Variants in KRT84 observed in about 807,000 individuals in gnomAD.
KRT84 encodes keratin, type II cuticular Hb4.
Under a neutral mutation model 49.0 loss-of-function variants are expected in KRT84, and 38 were observed. The observed-to-expected ratio is 0.78, with a 90% CI of 0.60 to 1.02. The LOEUF is 1.02. Among genes scored for constraint, KRT84 ranks in the 50% least tolerant of loss-of-function variants. The pLI is 0.00. For synonymous variants in KRT84, 334 were observed against 312.8 expected, an observed-to-expected ratio of 1.07 and a Z score of -0.72; for missense variants, 860 against 788.6, an observed-to-expected ratio of 1.09 and a Z score of -1.08.
Position 52,379,792 on chromosome 12 carries a change from C to T in KRT84, c.1456+84G>A, listed in dbSNP as rs572897999. On this transcript the variant is annotated intron_variant, in intron 8 of 8. Transcript: ENST00000257951. ...GTGGCCAGACCGGCCATGTCGGACG[C>T]CTCCTGACCCCAGTGTGAGCCTGAG... The T allele has an allele frequency of 1.0e-5, 12 of 1,157,882 alleles. No individual in the cohort carries two copies. In the Admixed American group the frequency reaches 1.7e-4, roughly 17 times the overall value. The allele number at this position is 1,157,882 out of a possible 1,614,324, so 71.7% of individuals were successfully genotyped here.
At chr12:52,383,822 G>A (rs1613859) in intron 1 of KRT84, 24 bp from the exon 2 acceptor site, 345,712 of 1,568,668 alleles carry the variant, frequency 0.22, 44,503 homozygotes, top group African/African-American at 0.56. Flanking sequence ...GCACAGAAAT[G>A]GCATTTGAAG....
In KRT84 at chr12:52,385,510, G is replaced by A. The variant is rs756953583; in HGVS notation, c.76C>T (p.Gln26Ter). Reference sequence around the variant, plus strand: ...TTGGCCCGGAAGCGATTCAGGTTCTGTGGTGTCATTGCTGAACAAGAGCTG... The same window carrying A: ...TTGGCCCGGAAGCGATTCAGGTTCTATGGTGTCATTGCTGAACAAGAGCTG... Reference protein sequence around the residue: ...NFSSCSAMTPQNLNRFRANSV... With the variant: ...NFSSCSAMTP Residue 26 changes from glutamine to a stop codon, truncating the protein, a stop_gained, in exon 1 of 9, where the codon CAG (glutamine) becomes TAG (stop). Coordinates refer to ENST00000257951, the MANE Select transcript of KRT84 (RefSeq NM_033045.4). LOFTEE classifies it high-confidence loss of function. 2 of 1,614,230 alleles carry A rather than the reference G, an allele frequency of 1.2e-6. No individual in the cohort carries two copies. Among genetic ancestry groups the A allele is most frequent in the Non-Finnish European group, 1.7e-6 (2 of 1,180,044 alleles).
In KRT84 at chr12:52,378,366, G is replaced by A. The variant is rs1483272178; in HGVS notation, c.1471C>T (p.Arg491Trp). 27 of 1,467,940 alleles carry A rather than the reference G, an allele frequency of 1.8e-5. No homozygotes were observed. Among genetic ancestry groups the A allele is most frequent in the Admixed American group, 4.9e-5 (2 of 41,200 alleles). 90.9% of individuals were successfully genotyped at this position (1,467,940 alleles called of 1,614,324 possible). A position where few individuals can be genotyped will look rare whatever the true frequency, so the allele number is the denominator to read the frequency against. Residue 491 changes from arginine (R) to tryptophan (W), a missense_variant, in exon 9 of 9, where the codon CGG becomes TGG. Coordinates refer to ENST00000257951, the MANE Select transcript of KRT84 (RefSeq NM_033045.4). ...GPVNISVSSS[R>W]GGLVCGPEPL... ...TCAGGCCCGCACACCAGGCCGCCCC[G>A]GGAGCTGCTGACGGCTGCGGAGAAA...
chr12:52,379,587 A>G (rs1051000642), intron 8 of KRT84, among the ~76,000 whole-genome samples: 2 of 152,198 alleles, frequency 1.3e-5, no homozygotes, highest in African/African-American at 4.8e-5. Flanking sequence ...AGTCCTTCTA[A>G]GTTCCCTTGA....
rs775878183 is a variant in KRT84, at chr12:52,378,361, G to A, written c.1476C>T (p.Gly492=). 146 of 1,469,772 alleles carry A rather than the reference G, an allele frequency of 9.9e-5. No individual in the cohort carries two copies. Among genetic ancestry groups the A allele is most frequent in the Non-Finnish European group, 1.2e-4 (135 of 1,114,156 alleles). The allele number at this position is 1,469,772 out of a possible 1,614,324, so 91.0% of individuals were successfully genotyped here. ...AAGGCTCAGGCCCGCACACCAGGCC[G>A]CCCCGGGAGCTGCTGACGGCTGCGG... ...PVNISVSSSR[G]GLVCGPEPLV... is the part of the protein sequence containing the mutation. Residue 492 remains glycine (G), a synonymous_variant, in exon 9 of 9, where the codon GGC becomes GGT. Transcript: ENST00000257951.
In KRT84 at chr12:52,382,986, G is replaced by C. The variant is rs2121440102; in HGVS notation, c.816+19C>G. On this transcript the variant is annotated intron_variant, in intron 3 of 8. Transcript: ENST00000257951. ...CCGGTCCAGAGGAGAAGTTGGCCTG[G>C]TCTGTGGTTCCCCCTTACCTTCTTC... 2 of 1,611,754 alleles carry C rather than the reference G, an allele frequency of 1.2e-6. No homozygotes were observed. The highest frequency in any genetic ancestry group is 1.7e-6 in the Non-Finnish European group (2 of 1,178,132).
intron 8 of KRT84, 114 bp downstream of exon 8, chr12:52,379,762 C>T (rs1328820838): frequency 6.1e-6 from 5 of 820,838 alleles, no homozygotes; most frequent in Non-Finnish European, 1.0e-5. Flanking sequence ...GCTCCCCTGA[C>T]TGTCGTGGCC....
chr12:52,381,882 G>C (rs901120528), intron 4 of KRT84, among the ~76,000 whole-genome samples: 20 of 152,158 alleles, frequency 1.3e-4, no homozygotes, highest in Non-Finnish European at 1.5e-5. Context: ...AGACCGTTGA[G>C]ACCTGACAAT....
At position 52,381,459 on chromosome 12, in the gene KRT84, CA is replaced by C. The variant is rs748245138; in HGVS notation, c.978del (p.Asp327ThrfsTer2). On this transcript the variant is annotated frameshift_variant, in exon 5 of 9. Coordinates refer to ENST00000257951, the MANE Select transcript of KRT84 (RefSeq NM_033045.4). LOFTEE classifies it high-confidence loss of function. ...TSVIVKMDNS[R>X]DLNLDGIIAE... is the part of the protein sequence containing the mutation. ...GCAATGATCCCATCAAGGTTCAGGTCACGGCTGTTGTCCATCTTCACAATGA... is the reference window on the plus strand; with the variant it reads ...GCAATGATCCCATCAAGGTTCAGGTCCGGCTGTTGTCCATCTTCACAATGA... 3.1e-6 allele frequency: 5 copies of C among 1,614,168 alleles called. No individual in the cohort carries two copies. The highest frequency in any genetic ancestry group is 3.4e-6 in the Non-Finnish European group (4 of 1,180,038).
At chr12:52,383,348 TG>T (rs1469678054) in intron 2 of KRT84, among the ~76,000 whole-genome samples, 7 of 152,220 alleles carry the variant, frequency 4.6e-5, no homozygotes, top group African/African-American at 1.7e-4. Flanking sequence ...GTAGGATCAT[TG>T]CATTTGACTA....
In KRT84 at chr12:52,381,248, C is replaced by T. The variant is rs200189290; in HGVS notation, c.1078-43G>A. 12 of 1,611,994 alleles carry T rather than the reference C, an allele frequency of 7.4e-6. No homozygotes were observed. The East Asian group carries it at 2.2e-4, about 30-fold the overall frequency. On this transcript the variant is annotated intron_variant, in intron 5 of 8. Transcript: ENST00000257951. ...TATTTTGAGGGTTCGGAGGTCAGGT[C>T]AGGATCACAGCCCCCACTGAGTTGG...
At position 52,382,534 on chromosome 12, in the gene KRT84, T is replaced by C; in HGVS notation, c.817-2A>G. The C allele has an allele frequency of 6.2e-7, 1 of 1,610,312 alleles. No individual in the cohort carries two copies. The highest frequency in any genetic ancestry group is 8.5e-7 in the Non-Finnish European group (1 of 1,176,512). ...GTTCATGAAAGCTGCATCCACATCCTGTATAAAACAGAGAAGGATAAATAC... is the reference window on the plus strand; with the variant it reads ...GTTCATGAAAGCTGCATCCACATCCCGTATAAAACAGAGAAGGATAAATAC... On this transcript the variant is annotated splice_acceptor_variant, in intron 3 of 8. Coordinates refer to ENST00000257951, the MANE Select transcript of KRT84 (RefSeq NM_033045.4). LOFTEE classifies it high-confidence loss of function.
chr12:52,378,236 A>C lies in KRT84; in HGVS notation c.1601T>G (p.Leu534Arg). 2 of 1,565,794 alleles carry C rather than the reference A, an allele frequency of 1.3e-6. No individual in the cohort carries two copies. The highest frequency in any genetic ancestry group is 1.7e-6 in the Non-Finnish European group (2 of 1,156,606). ...SGVLASCGPS[L>R]GGARVAPATG... ...GGCCGGGGCGACCCGGGCTCCACCC[A>C]GGCTGGGGCCACAGGAAGCCAGGAC... Residue 534 changes from leucine to arginine, a missense_variant, in exon 9 of 9, where the codon CTG (leucine) becomes CGG (arginine). Coordinates refer to ENST00000257951, the MANE Select transcript of KRT84 (RefSeq NM_033045.4).
intron 1 of KRT84, 89 bp from the exon 2 acceptor site, chr12:52,383,887 G>A: frequency 9.4e-7 from 1 of 1,060,070 alleles, no homozygotes; most frequent in South Asian, 1.5e-5. Context: ...GCGATGACTT[G>A]ACCACATGTC....
intron 8 of KRT84, among the ~76,000 whole-genome samples, chr12:52,378,993 C>T (rs1355303441): frequency 6.6e-6 from 1 of 152,218 alleles, no homozygotes; most frequent in Admixed American, 6.5e-5. Context: ...GCCCTTTCAT[C>T]TTACCCAGAA....
chr12:52,378,360 C>CCAACTGAAAAAGATACTGAACATGG lies in KRT84; in HGVS notation c.1476_1477insCCATGTTCAGTATCTTTTTCAGTTG (p.Gly493ProfsTer15). 1 of 1,473,944 alleles carries CCAACTGAAAAAGATACTGAACATGG rather than the reference C, an allele frequency of 6.8e-7. No individual in the cohort carries two copies. Among genetic ancestry groups the CCAACTGAAAAAGATACTGAACATGG allele is most frequent in the South Asian group, 1.3e-5 (1 of 74,826 alleles). 91.3% of individuals were successfully genotyped at this position (1,473,944 alleles called of 1,614,324 possible). On this transcript the variant is annotated frameshift_variant, in exon 9 of 9. Transcript: ENST00000257951. LOFTEE classifies it low-confidence loss of function (END_TRUNC). ...AAAGGCTCAGGCCCGCACACCAGGCCGCCCCGGGAGCTGCTGACGGCTGCG... is the reference window on the plus strand; with the variant it reads ...AAAGGCTCAGGCCCGCACACCAGGCCCAACTGAAAAAGATACTGAACATGGGCCCCGGGAGCTGCTGACGGCTGCG...
chr12:52,381,548 C>T, intron 4 of KRT84, 23 bp from the exon 5 acceptor site: 1 of 1,611,064 alleles, frequency 6.2e-7, no homozygotes, highest in Middle Eastern at 1.7e-4. Context: ...ATTGGGGAGA[C>T]AGATGTGCTT....
intron 5 of KRT84, 70 bp downstream of exon 5, chr12:52,381,291 G>A (rs1337074338): frequency 6.2e-7 from 1 of 1,610,264 alleles, no homozygotes; most frequent in Non-Finnish European, 8.5e-7. Context: ...AAACCTCCCT[G>A]GGCCTGATCT....
upstream of KRT84, chr12:52,385,709 C>G (rs1939564376): frequency 1.0e-6 from 1 of 990,708 alleles, no homozygotes; most frequent in African/African-American, 1.6e-5. Context: ...AGGCTTGGCC[C>G]CATAAAAATG....
Sources: allele counts gnomAD v4.1 joint callset (sites outside exome capture counted in the v4.1 genomes callset), GRCh38; gene constraint gnomAD v4.1.1; transcripts MANE v1.5; gene names NCBI Gene and HGNC (gene_info 2026-07-23, HGNC 2026-07-21).